NALF1: variants seen among roughly 807,000 people sequenced by gnomAD.
NALF1 encodes the protein NALCN channel auxiliary factor 1, also known as family with sequence similarity 155 member A.
A neutral mutation model predicts 48.4 loss-of-function variants in NALF1; 3 were observed. That is an observed-to-expected ratio of 0.06 (90% CI 0.03 to 0.16). The LOEUF is 0.16. Ranked by LOEUF, NALF1 falls within the 10% of genes least tolerant of loss-of-function variation. NALF1 has a pLI of 1.00. For synonymous variants in NALF1, 262 were observed against 245.7 expected (o/e 1.07, Z -0.62); for missense variants, 526 against 571.5 (o/e 0.92, Z 0.81).
chr13:107,462,366 C>T (rs1256114589), intron 1 of NALF1, among the ~76,000 whole-genome samples: 2 of 152,090 alleles, frequency 1.3e-5, no homozygotes. Context: ...AACTAACATA[C>T]AATGCATATT....
chr13:107,620,115 T>C (rs1879482292), intron 1 of NALF1, among the ~76,000 whole-genome samples: 1 of 152,140 alleles, frequency 6.6e-6, no homozygotes, highest in African/African-American at 2.4e-5. Flanking sequence ...GTTTGAAACC[T>C]GTTTCAAAAA....
chr13:107,660,278 A>G (rs910820470), intron 1 of NALF1, among the ~76,000 whole-genome samples: 3 of 151,626 alleles, frequency 2.0e-5, no homozygotes, highest in Non-Finnish European at 4.4e-5. Context: ...TCTCTACCAA[A>G]AATACAAAAA....
chr13:107,714,592 G>A (rs898768045), intron 1 of NALF1, among the ~76,000 whole-genome samples: 6 of 138,094 alleles, frequency 4.3e-5, no homozygotes, highest in East Asian at 4.5e-4. Context: ...TTGCACCACC[G>A]CACTCTAGCC....
chr13:107,392,863 C>A (rs1053073984), intron 1 of NALF1, among the ~76,000 whole-genome samples: 2 of 152,086 alleles, frequency 1.3e-5, no homozygotes, highest in Non-Finnish European at 2.9e-5. Context: ...TGCCATCTAC[C>A]ATCCTGGACT....
chr13:107,621,996 G>GT (rs34784565), intron 1 of NALF1, among the ~76,000 whole-genome samples: 86,493 of 150,000 alleles, frequency 0.58, 27,236 homozygotes, highest in East Asian at 0.99. Flanking sequence ...CCACAAAGCA[G>GT]TTTTTTTTTT....
At chr13:107,470,316 C>T (rs1885079397) in intron 1 of NALF1, among the ~76,000 whole-genome samples, 2 of 152,148 alleles carry the variant, frequency 1.3e-5, no homozygotes, top group Non-Finnish European at 1.5e-5. Context: ...GGACACCTAT[C>T]CTCAAAAGTT....
intron 1 of NALF1, among the ~76,000 whole-genome samples, chr13:107,605,185 T>C (rs1879030610): frequency 6.6e-6 from 1 of 152,206 alleles, no homozygotes; most frequent in Non-Finnish European, 1.5e-5. Flanking sequence ...CTTTCATTTG[T>C]GACAAAGACA....
chr13:107,214,477 C>T (rs949707524), intron 1 of NALF1, among the ~76,000 whole-genome samples: 2 of 152,122 alleles, frequency 1.3e-5, no homozygotes, highest in African/African-American at 2.4e-5. Context: ...GAAAGAATAA[C>T]TGTGGGAAGG....
chr13:107,492,475 G>A (rs1398360235), intron 1 of NALF1, among the ~76,000 whole-genome samples: 1 of 152,058 alleles, frequency 6.6e-6, no homozygotes, highest in Non-Finnish European at 1.5e-5. Context: ...CCGCACCACA[G>A]CTTCCTTATA....
At chr13:107,173,605 T>C (rs1216982287) in intron 2 of NALF1, among the ~76,000 whole-genome samples, 1 of 152,184 alleles carries the variant, frequency 6.6e-6, no homozygotes, top group African/African-American at 2.4e-5. Context: ...TCTCCACTGC[T>C]CCGTGCACTG....
chr13:107,231,653 A>C (rs1332985719), intron 1 of NALF1, among the ~76,000 whole-genome samples: 1 of 152,218 alleles, frequency 6.6e-6, no homozygotes, highest in African/African-American at 2.4e-5. Context: ...CAAAAAAGCT[A>C]TTTTTGAGCT....
At position 107,169,670 on chromosome 13, in the gene NALF1, A is replaced by G. The variant is rs1006731962; in HGVS notation, c.*827T>C. 1.3e-5 allele frequency: 2 copies of G among 152,548 alleles called. No homozygotes were observed. Among genetic ancestry groups the G allele is most frequent in the African/African-American group, 2.4e-5 (1 of 41,446 alleles). 9.4% of individuals were successfully genotyped at this position (152,548 alleles called of 1,614,324 possible). On this transcript the variant is annotated 3_prime_UTR_variant, in exon 3 of 3. Transcript: ENST00000375915. ...TTTTTCCTTTTATTTTGTTTTCAAC[A>G]TAAAAATGTGTTAACTGTCTGATTC...
intron 1 of NALF1, among the ~76,000 whole-genome samples, chr13:107,668,543 T>C (rs1025752128): frequency 6.6e-6 from 1 of 152,080 alleles, no homozygotes; most frequent in Non-Finnish European, 1.5e-5. Flanking sequence ...CCTAGATAAG[T>C]AAATCTTCCT....
At chr13:107,440,586 A>T (rs921886053) in intron 1 of NALF1, among the ~76,000 whole-genome samples, 4 of 152,168 alleles carry the variant, frequency 2.6e-5, no homozygotes, top group Non-Finnish European at 5.9e-5. Context: ...AGTGAGTAGT[A>T]GATCGATTGT....
chr13:107,220,180 T>C (rs1345014119), intron 1 of NALF1, among the ~76,000 whole-genome samples: 3 of 152,232 alleles, frequency 2.0e-5, no homozygotes, highest in African/African-American at 7.2e-5. Context: ...GCATTTCTGA[T>C]TTTGTCATTG....
At chr13:107,802,690 C>A (rs1878657449) in intron 1 of NALF1, among the ~76,000 whole-genome samples, 1 of 151,852 alleles carries the variant, frequency 6.6e-6, no homozygotes, top group Non-Finnish European at 1.5e-5. Context: ...GTGTGTAATA[C>A]CCAGCATGAT....
At chr13:107,309,638 T>G (rs1279839823) in intron 1 of NALF1, among the ~76,000 whole-genome samples, 2 of 152,208 alleles carry the variant, frequency 1.3e-5, no homozygotes, top group Non-Finnish European at 2.9e-5. Context: ...CAGTGTGGCT[T>G]AAACTTAATG....
intron 1 of NALF1, among the ~76,000 whole-genome samples, chr13:107,617,069 C>G (rs551558497): frequency 3.0e-3 from 458 of 152,288 alleles, no homozygotes; most frequent in Non-Finnish European, 3.7e-3. Flanking sequence ...TTTAAGCTAA[C>G]TTCATAACAG....
intron 1 of NALF1, among the ~76,000 whole-genome samples, chr13:107,822,196 C>T (rs531525790): frequency 6.6e-6 from 1 of 152,230 alleles, no homozygotes; most frequent in South Asian, 2.1e-4. Flanking sequence ...TACTGACCTT[C>T]TGCAGCAAAA....
Sources: gnomAD v4.1 joint callset for allele counts (sites outside exome capture counted in the v4.1 genomes callset) on GRCh38, gnomAD v4.1.1 for gene constraint, MANE v1.5 for transcripts, NCBI Gene and HGNC (gene_info 2026-07-23, HGNC 2026-07-21) for gene names.